ANO3: variants seen among roughly 807,000 people sequenced by gnomAD.
ANO3 encodes the protein anoctamin-3.
Under a neutral mutation model 144.8 loss-of-function variants are expected in ANO3, and 99 were observed. That is an observed-to-expected ratio of 0.68 (90% CI 0.58 to 0.81). The LOEUF is 0.81. Among genes scored for constraint, ANO3 ranks in the 30% least tolerant of loss-of-function variants. The pLI, the probability that ANO3 is intolerant of heterozygous loss-of-function variation, is 0.00. For missense variants in ANO3, 905 were observed against 1,202.2 expected (o/e 0.75, Z 3.66); for synonymous variants, 414 against 392.6 (o/e 1.05, Z -0.64).
chr11:26,534,643 G>C (rs1849458510), intron 9 of ANO3, 81 bp downstream of exon 9: 2 of 947,244 alleles, frequency 2.1e-6, no homozygotes. Context: ...AACAGCTGTA[G>C]CTTTGCTTTA....
At chr11:26,234,832 G>C (rs1474317409) in intron 1 of ANO3, among the ~76,000 whole-genome samples, 1 of 74,482 alleles carries the variant, frequency 1.3e-5, no homozygotes, top group Non-Finnish European at 3.7e-5. Context: ...TGCTTATGGA[G>C]TCTGCCTTCT....
rs1313564028 is a variant in ANO3 at position 26,332,194 on chromosome 11, T to A, written c.-82T>A. On this transcript the variant is annotated 5_prime_UTR_variant, in exon 1 of 27. Transcript: ENST00000256737. Reference sequence around the variant, plus strand: ...GTGCGCTCGCTGAGGCTCCGGACCTTGGAGCGTCTAGAGTCTGGCTACTGT... The same window carrying A: ...GTGCGCTCGCTGAGGCTCCGGACCTAGGAGCGTCTAGAGTCTGGCTACTGT... 1.5e-5 allele frequency: 24 copies of A among 1,613,142 alleles called. No homozygotes were observed. Among genetic ancestry groups the A allele is most frequent in the Non-Finnish European group, 1.9e-5 (23 of 1,179,560 alleles).
chr11:26,598,250 T>G, intron 14 of ANO3, 115 bp from the exon 15 acceptor site: 1 of 451,516 alleles, frequency 2.2e-6, no homozygotes, highest in Non-Finnish European at 3.6e-6. Context: ...AAATAAAATT[T>G]TAATTTATTA....
rs558611002 is a variant in ANO3, at chr11:26,520,278, C to T, written c.692+3351C>T. Among the ~76,000 whole-genome samples the T allele has an allele frequency of 2.0e-4, 31 of 152,088 alleles. 1 individual carries two copies. The highest frequency in any genetic ancestry group is 7.0e-4 in the African/African-American group (29 of 41,488). Reference sequence around the variant, plus strand: ...GATTTTGAAGAGGATGTTTTCTTGACTCAGATCATTTTTAAAAAAACTATA... The same window carrying T: ...GATTTTGAAGAGGATGTTTTCTTGATTCAGATCATTTTTAAAAAAACTATA... On this transcript the variant is annotated intron_variant, in intron 6 of 26. Transcript: ENST00000256737.
At chr11:26,327,752 T>C (rs1391529669), upstream of ANO3, among the ~76,000 whole-genome samples, 2 of 152,220 alleles carry the variant, frequency 1.3e-5, no homozygotes, top group Non-Finnish European at 2.9e-5. Context: ...TAATGTACGA[T>C]GAGTTTGAAC....
rs1174403624 is a variant in ANO3 at position 26,495,167 on chromosome 11, C to G, written c.433-12937C>G. On this transcript the variant is annotated intron_variant, in intron 4 of 26. Coordinates refer to ENST00000256737, the MANE Select transcript of ANO3 (RefSeq NM_031418.4). ...TCATCCAGGCTGGAGTACAGTGGCA[C>G]AAACACAGCTCACTGCAGCTTTGAA... Among the ~76,000 whole-genome samples, 6 of 151,910 alleles carry G rather than the reference C, an allele frequency of 3.9e-5. No homozygotes were observed. In the East Asian group the frequency reaches 1.2e-3, roughly 29 times the overall value.
At position 26,660,592 on chromosome 11, in the gene ANO3, G is replaced by A. The variant is rs181971888; in HGVS notation, c.*148G>A. On this transcript the variant is annotated 3_prime_UTR_variant, in exon 27 of 27. Transcript: ENST00000256737. ...GGAAATGTATCACAGCCATCTCTGG[G>A]ATTTGAAATATCCAGACTTGTAGGG... 74 of 679,096 alleles carry A rather than the reference G, an allele frequency of 1.1e-4. No homozygotes were observed. Among genetic ancestry groups the A allele is most frequent in the Non-Finnish European group, 1.6e-4 (68 of 424,820 alleles). 42.1% of individuals were successfully genotyped at this position (679,096 alleles called of 1,614,324 possible). A position where few individuals can be genotyped will look rare whatever the true frequency, so the allele number is the denominator to read the frequency against.
chr11:26,395,835 A>G (rs953943574), intron 1 of ANO3, among the ~76,000 whole-genome samples: 2 of 152,200 alleles, frequency 1.3e-5, no homozygotes, highest in Non-Finnish European at 1.5e-5. Context: ...CTAAAACCAT[A>G]AAAACCCTAA....
chr11:26,422,831 T>G (rs1286114841), intron 1 of ANO3, among the ~76,000 whole-genome samples: 1 of 152,018 alleles, frequency 6.6e-6, no homozygotes, highest in Non-Finnish European at 1.5e-5. Context: ...AAGGATGTGA[T>G]GGCATTTGAT....
At chr11:26,544,446 G>A (rs371988284) in intron 11 of ANO3, among the ~76,000 whole-genome samples, 7 of 150,934 alleles carry the variant, frequency 4.6e-5, no homozygotes, top group East Asian at 3.9e-4. Context: ...TGGAGAGGAG[G>A]CAGAGGTTGG....
At chr11:26,473,817 CT>C (rs1303728224) in intron 4 of ANO3, 120 of 519,446 alleles carry the variant, frequency 2.3e-4, no homozygotes, top group East Asian at 3.0e-4. Context: ...AAGCAGCCCC[CT>C]ATTCCACCCT....
intron 14 of ANO3, among the ~76,000 whole-genome samples, chr11:26,581,631 G>T (rs374174362): frequency 1.4e-5 from 2 of 143,132 alleles, no homozygotes; most frequent in East Asian, 2.1e-4. Flanking sequence ...GGAAGTTCCA[G>T]TGAGCCAAGA....
At chr11:26,520,300 T>C (rs1188124663) in intron 6 of ANO3, among the ~76,000 whole-genome samples, 1 of 152,162 alleles carries the variant, frequency 6.6e-6, no homozygotes, top group African/African-American at 2.4e-5. Context: ...TTAAAAAAAC[T>C]ATATTCATTT....
intron 12 of ANO3, among the ~76,000 whole-genome samples, chr11:26,550,745 G>A (rs1004273915): frequency 6.6e-6 from 1 of 151,918 alleles, no homozygotes; most frequent in African/African-American, 2.4e-5. Flanking sequence ...AGTGCAGACA[G>A]CACTTCCAGA....
intron 1 of ANO3, among the ~76,000 whole-genome samples, chr11:26,261,329 T>C (rs1289532170): frequency 9.2e-5 from 14 of 152,162 alleles, no homozygotes; most frequent in Admixed American, 9.2e-4. Context: ...GTACCCTCTA[T>C]CAAGATGTAC....
intron 14 of ANO3, among the ~76,000 whole-genome samples, chr11:26,574,652 T>C (rs555922539): frequency 5.0e-4 from 76 of 152,306 alleles, no homozygotes; most frequent in African/African-American, 1.8e-3. Context: ...TATTTGGGGA[T>C]AACATTTAAT....
intron 1 of ANO3, among the ~76,000 whole-genome samples, chr11:26,290,976 G>C (rs963016825): frequency 6.6e-6 from 1 of 152,168 alleles, no homozygotes; most frequent in Non-Finnish European, 1.5e-5. Flanking sequence ...TTAACTATCT[G>C]TCTCGTTGAT....
intron 14 of ANO3, chr11:26,563,407 G>GTGTGTGTGTT (rs1850381388): frequency 1.7e-6 from 1 of 586,620 alleles, no homozygotes; most frequent in South Asian, 3.4e-5. Context: ...GTGTGTGTGT[G>GTGTGTGTGTT]TGTGTGTGTG....
At chr11:26,473,349 T>C (rs920522744) in intron 4 of ANO3, among the ~76,000 whole-genome samples, 3 of 151,954 alleles carry the variant, frequency 2.0e-5, no homozygotes, top group African/African-American at 7.2e-5. Context: ...CAATTTTATT[T>C]GCTTGTTTAC....
Sources: allele counts gnomAD v4.1 joint callset (sites outside exome capture counted in the v4.1 genomes callset), GRCh38; gene constraint gnomAD v4.1.1; transcripts MANE v1.5; gene names NCBI Gene and HGNC (gene_info 2026-07-23, HGNC 2026-07-21).